XG: variants seen among roughly 807,000 people sequenced by gnomAD.
XG encodes glycoprotein Xg.
Under a neutral mutation model 25.7 loss-of-function variants are expected in XG, and 24 were observed. The observed-to-expected ratio is 0.93, with a 90% CI of 0.68 to 1.31. XG has a LOEUF of 1.31. Among genes scored for constraint, XG ranks in the 40% most tolerant of loss-of-function variants. The probability of loss-of-function intolerance (pLI) is 0.00; values close to 1 mark genes in which losing one functional copy is unlikely to be tolerated. For synonymous variants in XG, 77 were observed against 69.2 expected (o/e 1.11, Z -0.56); for missense variants, 181 against 187.6 (o/e 0.96, Z 0.21).
intron 1 of XG, among the ~76,000 whole-genome samples, chrX:2,768,316 T>C (rs2050743069): frequency 6.6e-6 from 1 of 152,040 alleles, no homozygotes; most frequent in Non-Finnish European, 1.5e-5. Flanking sequence ...ATTCTCAGGG[T>C]GTGTGCATAG....
At chrX:2,759,782 G>T (rs1168710367) in intron 1 of XG, among the ~76,000 whole-genome samples, 2 of 152,196 alleles carry the variant, frequency 1.3e-5, no homozygotes, top group African/African-American at 2.4e-5. Context: ...TAGAAAAGTG[G>T]GGTTCTGCCT....
intron 7 of XG, among the ~76,000 whole-genome samples, chrX:2,801,248 A>G (rs1294941973): frequency 9.0e-5 from 10 of 110,876 alleles, no homozygotes; most frequent in Non-Finnish European, 1.7e-4. Context: ...GAAAGAATTC[A>G]GGACACAGAC....
In XG at chrX:2,770,415, C is replaced by T. The variant is rs2050791754; in HGVS notation, c.62-135C>T. The T allele has an allele frequency of 1.5e-5, 13 of 873,350 alleles. No homozygotes were observed. In the East Asian group the frequency reaches 3.2e-4, roughly 21 times the overall value. The allele number at this position is 873,350 out of a possible 1,614,324, so 54.1% of individuals were successfully genotyped here. On this transcript the variant is annotated intron_variant, in intron 1 of 10. Coordinates refer to ENST00000644266, the MANE Select transcript of XG (RefSeq NM_001141919.2). ...GGTGGTGGTTGCATCTCCCATGTAG[C>T]TCATGGTCAGGTTAGTTTTAGTGCT... is the stretch of plus-strand genomic sequence containing the variant.
intron 1 of XG, chrX:2,753,029 C>T (rs1417575380): frequency 8.3e-6 from 8 of 958,630 alleles, no homozygotes; most frequent in African/African-American, 3.5e-5. Flanking sequence ...TTTCATGTGG[C>T]GATTTCAGAG....
At chrX:2,781,123 G>A (rs1394784867) in intron 3 of XG, among the ~76,000 whole-genome samples, 1 of 151,950 alleles carries the variant, frequency 6.6e-6, no homozygotes, top group Non-Finnish European at 1.5e-5. Flanking sequence ...TTGACTGAGT[G>A]GTTAAATATT....
intron 6 of XG, among the ~76,000 whole-genome samples, chrX:2,796,127 A>G (rs776529472): frequency 6.5e-5 from 7 of 107,164 alleles, no homozygotes; most frequent in Non-Finnish European, 7.6e-5. Flanking sequence ...ATATACCTAT[A>G]TATGCTTTTA....
rs1487399325 is a variant in XG at position 2,796,472 on chromosome X, G to A, written c.323-838G>A. On this transcript the variant is annotated intron_variant, in intron 6 of 10. Transcript: ENST00000644266. Reference sequence around the variant, plus strand: ...TATGTATATACATTTAGGTATATGTGTGTGTGTGTGTGTGTGTATATATAT... The same window carrying A: ...TATGTATATACATTTAGGTATATGTATGTGTGTGTGTGTGTGTATATATAT... 3.9e-5 allele frequency among the ~76,000 whole-genome samples: 4 copies of A among 103,261 alleles called. No homozygotes were observed. In the East Asian group the frequency reaches 1.1e-3, roughly 29 times the overall value. The allele number at this position is 103,261 out of a possible 115,157, so 89.7% of individuals were successfully genotyped here. A position where few individuals can be genotyped will look rare whatever the true frequency, so the allele number is the denominator to read the frequency against.
chrX:2,752,296 C>A lies in XG; in HGVS notation c.22C>A (p.Pro8Thr). MESWWGL[P>T]CLAFLCFLMH... is the part of the protein sequence containing the mutation. Reference sequence around the variant, plus strand: ...AACCATGGAGAGCTGGTGGGGACTTCCCTGTCTTGCGTTCCTGTGTTTTCT... The same window carrying A: ...AACCATGGAGAGCTGGTGGGGACTTACCTGTCTTGCGTTCCTGTGTTTTCT... Residue 8 changes from proline (P) to threonine (T), a missense_variant, in exon 1 of 11, where the codon CCC becomes ACC. Pro to Thr is a conservative substitution (Grantham distance 38, BLOSUM62 -1). Transcript: ENST00000644266. 6.2e-7 allele frequency: 1 copy of A among 1,613,784 alleles called. No homozygotes were observed. Among genetic ancestry groups the A allele is most frequent in the Non-Finnish European group, 8.5e-7 (1 of 1,179,846 alleles).
intron 6 of XG, among the ~76,000 whole-genome samples, chrX:2,797,099 G>T (rs2086892794): frequency 9.0e-6 from 1 of 111,557 alleles, no homozygotes; most frequent in African/African-American, 3.3e-5. Flanking sequence ...CTAGAGCTCA[G>T]TGTTGGCATG....
intron 7 of XG, among the ~76,000 whole-genome samples, chrX:2,799,984 T>C (rs1175967140): frequency 8.9e-6 from 1 of 112,043 alleles, no homozygotes; most frequent in Non-Finnish European, 1.9e-5. Context: ...TGTTCTTTTT[T>C]ATGGCTGTGT....
At chrX:2,791,398 A>G in intron 5 of XG, among the ~76,000 whole-genome samples, 1 of 111,391 alleles carries the variant, frequency 9.0e-6, no homozygotes, top group Middle Eastern at 4.6e-3. Context: ...GCACTCCGTG[A>G]AATCCAAGGA....
chrX:2,804,185 A>G (rs2086971587), intron 7 of XG, among the ~76,000 whole-genome samples: 1 of 112,482 alleles, frequency 8.9e-6, no homozygotes, highest in Non-Finnish European at 1.9e-5. Context: ...TGTTAGTCCT[A>G]CAAAGTCCAA....
At chrX:2,776,392 T>G (rs2050991591) in intron 3 of XG, among the ~76,000 whole-genome samples, 1 of 152,150 alleles carries the variant, frequency 6.6e-6, no homozygotes, top group Non-Finnish European at 1.5e-5. Context: ...GACGCGGGGC[T>G]TTGGGCGTTA....
intron 7 of XG, among the ~76,000 whole-genome samples, chrX:2,800,513 G>A (rs1187803401): frequency 3.6e-5 from 4 of 112,273 alleles, no homozygotes; most frequent in Non-Finnish European, 7.5e-5. Flanking sequence ...GGAAGCGAGT[G>A]TTGTCATCAG....
At chrX:2,794,636 T>C (rs546934349) in intron 6 of XG, 33 bp downstream of exon 6, 1 of 1,200,365 alleles carries the variant, frequency 8.3e-7, no homozygotes, top group South Asian at 1.8e-5. Context: ...TGCGACACAT[T>C]GAATTTGCAC....
At chrX:2,754,251 G>A (rs952721945) in intron 1 of XG, among the ~76,000 whole-genome samples, 15 of 151,986 alleles carry the variant, frequency 9.9e-5, no homozygotes, top group African/African-American at 2.7e-4. Context: ...GGCATTTGCC[G>A]CTGTGCCTGA....
chrX:2,775,664 G>C lies in XG; in HGVS notation c.127+925G>C, dbSNP rs193287018. On this transcript the variant is annotated intron_variant, in intron 3 of 10. Coordinates refer to ENST00000644266, the MANE Select transcript of XG (RefSeq NM_001141919.2). ...TTATTTATTTATTTTCAATTAAAAA[G>C]GTAACCTTTGGCTGGGGGCGGTGGC... 2.1e-3 allele frequency among the ~76,000 whole-genome samples: 327 copies of C among 152,172 alleles called. 2 individuals carry two copies. The highest frequency in any genetic ancestry group is 7.5e-3 in the African/African-American group (310 of 41,538).
intron 3 of XG, among the ~76,000 whole-genome samples, chrX:2,776,690 C>CA (rs893499220): frequency 7.2e-5 from 11 of 151,966 alleles, no homozygotes; most frequent in East Asian, 1.9e-4. Context: ...CTAAAAAATA[C>CA]AAAAAAAATT....
intron 3 of XG, among the ~76,000 whole-genome samples, chrX:2,777,459 G>C (rs142548164): frequency 0.01 from 1,589 of 152,150 alleles, 11 homozygotes; most frequent in Non-Finnish European, 0.018. Flanking sequence ...CAAGTGTTGT[G>C]GTGAATGCCT....
Sources: gnomAD v4.1 joint callset for allele counts (sites outside exome capture counted in the v4.1 genomes callset) on GRCh38, gnomAD v4.1.1 for gene constraint, MANE v1.5 for transcripts, NCBI Gene and HGNC (gene_info 2026-07-23, HGNC 2026-07-21) for gene names.